The following HS6ST3 variants were observed in gnomAD, a reference collection of about 807,000 sequenced individuals.
HS6ST3 encodes heparan sulfate 6-O-sulfotransferase 3, also known as heparan-sulfate 6-O-sulfotransferase 3.
In HS6ST3, 12 loss-of-function variants were observed where a neutral mutation model predicts 36.7. The ratio of observed to expected loss-of-function variants is 0.33; its 90% CI spans 0.21 to 0.53. HS6ST3 has a LOEUF of 0.53. Among genes scored for constraint, HS6ST3 ranks in the 20% least tolerant of loss-of-function variants. The pLI, the probability that HS6ST3 is intolerant of heterozygous loss-of-function variation, is 0.95. For synonymous variants in HS6ST3, 240 were observed against 257.5 expected (o/e 0.93, Z 0.65); for missense variants, 584 against 640.9 (o/e 0.91, Z 0.96).
intron 1 of HS6ST3, among the ~76,000 whole-genome samples, chr13:96,184,259 G>T (rs2054254923): frequency 6.8e-6 from 1 of 146,988 alleles, no homozygotes; most frequent in African/African-American, 2.5e-5. Flanking sequence ...AAGATGGTAA[G>T]ATTTATCTAT....
intron 1 of HS6ST3, among the ~76,000 whole-genome samples, chr13:96,221,760 T>A (rs1161955528): frequency 6.6e-6 from 1 of 152,186 alleles, no homozygotes; most frequent in African/African-American, 2.4e-5. Context: ...TCTAGATAGT[T>A]GGAGAGTTTA....
At chr13:96,145,161 A>G (rs879530077) in intron 1 of HS6ST3, among the ~76,000 whole-genome samples, 67 of 143,024 alleles carry the variant, frequency 4.7e-4, no homozygotes, top group Non-Finnish European at 8.7e-4. Context: ...TCCTTTGGGT[A>G]TATACCCAGT....
At chr13:96,334,384 G>A (rs974630209) in intron 1 of HS6ST3, among the ~76,000 whole-genome samples, 3 of 152,014 alleles carry the variant, frequency 2.0e-5, no homozygotes, top group South Asian at 2.1e-4. Flanking sequence ...GATCCCTGAC[G>A]TCTCCCCAGA....
chr13:96,666,659 T>C (rs574534110), intron 1 of HS6ST3, among the ~76,000 whole-genome samples: 34 of 152,314 alleles, frequency 2.2e-4, no homozygotes, highest in African/African-American at 7.9e-4. Context: ...ATAAACGATA[T>C]GAACCATAGA....
intron 1 of HS6ST3, among the ~76,000 whole-genome samples, chr13:96,814,521 G>A (rs1050146600): frequency 1.3e-5 from 2 of 151,966 alleles, no homozygotes; most frequent in African/African-American, 4.8e-5. Flanking sequence ...AATTCATTTA[G>A]GCCTTTTCAA....
At chr13:96,297,772 C>G (rs1021202534) in intron 1 of HS6ST3, among the ~76,000 whole-genome samples, 1 of 152,098 alleles carries the variant, frequency 6.6e-6, no homozygotes, top group Non-Finnish European at 1.5e-5. Context: ...CATCTGCACT[C>G]CTATAAAATT....
intron 1 of HS6ST3, among the ~76,000 whole-genome samples, chr13:96,691,366 G>A (rs1283410400): frequency 6.6e-6 from 1 of 152,060 alleles, no homozygotes; most frequent in Non-Finnish European, 1.5e-5. Context: ...AAAGTGTTGA[G>A]TACTTGAAGG....
intron 1 of HS6ST3, among the ~76,000 whole-genome samples, chr13:96,767,059 T>C (rs1877135211): frequency 6.6e-6 from 1 of 152,222 alleles, no homozygotes; most frequent in Non-Finnish European, 1.5e-5. Context: ...TAATAAGTTA[T>C]GGTTAATGAA....
At chr13:96,413,796 A>G (rs1361068462) in intron 1 of HS6ST3, among the ~76,000 whole-genome samples, 1 of 152,204 alleles carries the variant, frequency 6.6e-6, no homozygotes, top group Admixed American at 6.5e-5. Context: ...GAACCTGATG[A>G]CACCTAATAT....
At chr13:96,669,743 T>C (rs1248819522) in intron 1 of HS6ST3, among the ~76,000 whole-genome samples, 1 of 152,106 alleles carries the variant, frequency 6.6e-6, no homozygotes, top group Non-Finnish European at 1.5e-5. Flanking sequence ...TAGTAAAAAT[T>C]CTCTAGTAAA....
intron 1 of HS6ST3, among the ~76,000 whole-genome samples, chr13:96,694,719 A>G (rs946728719): frequency 2.0e-5 from 3 of 152,276 alleles, no homozygotes; most frequent in South Asian, 4.1e-4. Flanking sequence ...TGACTTTTTA[A>G]TAATAGCCAT....
chr13:96,302,247 G>A (rs930276341), intron 1 of HS6ST3, among the ~76,000 whole-genome samples: 1 of 152,060 alleles, frequency 6.6e-6, no homozygotes, highest in Non-Finnish European at 1.5e-5. Context: ...TAATCAGATT[G>A]TCCTACAGAG....
chr13:96,210,872 G>A (rs1009812347), intron 1 of HS6ST3, among the ~76,000 whole-genome samples: 2 of 151,672 alleles, frequency 1.3e-5, no homozygotes, highest in Non-Finnish European at 2.9e-5. Context: ...AGGATTGCAG[G>A]CATGAGTCCC....
chr13:96,598,611 T>C (rs1303161397), intron 1 of HS6ST3, among the ~76,000 whole-genome samples: 4 of 152,142 alleles, frequency 2.6e-5, no homozygotes, highest in Non-Finnish European at 5.9e-5. Context: ...TAAGGTCATA[T>C]CATCAGCAAA....
intron 1 of HS6ST3, among the ~76,000 whole-genome samples, chr13:96,266,582 G>A (rs1421489644): frequency 1.3e-5 from 2 of 152,182 alleles, no homozygotes; most frequent in East Asian, 3.9e-4. Context: ...TAGTTTAATT[G>A]ACAGAACAAA....
At chr13:96,330,328 T>G (rs1245369576) in intron 1 of HS6ST3, among the ~76,000 whole-genome samples, 1 of 151,968 alleles carries the variant, frequency 6.6e-6, no homozygotes, top group Non-Finnish European at 1.5e-5. Context: ...TACCGGTTGT[T>G]CCTTTCCATG....
At chr13:96,312,951 CAAAAAA>C (rs754098470) in intron 1 of HS6ST3, among the ~76,000 whole-genome samples, 38 of 81,422 alleles carry the variant, frequency 4.7e-4, no homozygotes, top group Middle Eastern at 8.3e-3. Context: ...GACCCTGTCT[CAAAAAA>C]AAAAAAAAAA....
intron 1 of HS6ST3, among the ~76,000 whole-genome samples, chr13:96,474,744 T>A (rs2055855465): frequency 6.6e-6 from 1 of 152,186 alleles, no homozygotes. Flanking sequence ...GGAGGCTTGT[T>A]CAACTTAATA....
At chr13:96,497,339 C>T (rs1376700225) in intron 1 of HS6ST3, among the ~76,000 whole-genome samples, 6 of 152,072 alleles carry the variant, frequency 3.9e-5, no homozygotes, top group Non-Finnish European at 5.9e-5. Flanking sequence ...ATGATCACCC[C>T]GAGGAATGTG....
Sources: gnomAD v4.1 joint callset for allele counts (sites outside exome capture counted in the v4.1 genomes callset) on GRCh38, gnomAD v4.1.1 for gene constraint, MANE v1.5 for transcripts, NCBI Gene and HGNC (gene_info 2026-07-23, HGNC 2026-07-21) for gene names.